FAT3: variants seen among roughly 807,000 people sequenced by gnomAD.
The protein encoded by FAT3 is protocadherin Fat 3.
FAT3 carries 95 observed loss-of-function variants against 310.2 expected under a neutral mutation model. That is an observed-to-expected ratio of 0.31 (90% CI 0.26 to 0.36). FAT3 has a LOEUF of 0.36. FAT3 is among the 10% of genes least tolerant of loss of function. The pLI, the probability that FAT3 is intolerant of heterozygous loss-of-function variation, is 1.00. For synonymous variants in FAT3, 2,314 were observed against 2,192.9 expected (o/e 1.06, Z -1.54); for missense variants, 5,408 against 5,715.6 (o/e 0.95, Z 1.74).
rs576878900 is a variant in FAT3 at position 92,384,347 on chromosome 11, C to A, written c.3292+28943C>A. Among the ~76,000 whole-genome samples the A allele has an allele frequency of 2.4e-3, 372 of 152,166 alleles. 3 individuals are homozygous for A. The highest frequency in any genetic ancestry group is 4.4e-3 in the Non-Finnish European group (302 of 68,014). ...AGAGGAAACAGGTAGAGAGTTGTTACCCTAAAGAGAAGGGAAAATTCTTTG... is the reference window on the plus strand; with the variant it reads ...AGAGGAAACAGGTAGAGAGTTGTTAACCTAAAGAGAAGGGAAAATTCTTTG... On this transcript the variant is annotated intron_variant, in intron 2 of 27. Transcript: ENST00000525166.
rs371346083 is a variant in FAT3, at chr11:92,353,024, G to A, written c.912G>A (p.Val304=). 31 of 1,613,612 alleles carry A rather than the reference G, an allele frequency of 1.9e-5. No homozygotes were observed. Among genetic ancestry groups the A allele is most frequent in the African/African-American group, 2.7e-5 (2 of 74,892 alleles). The change falls in exon 2 of 28, where the codon GTG becomes GTA. Residue 304 remains valine, a synonymous_variant. Coordinates refer to ENST00000525166, the MANE Select transcript of FAT3 (RefSeq NM_001367949.2). Reference sequence around the variant, plus strand: ...GAGAGATCGAATCTGTTTCCATTGTGGCTGGGGATCCTTTAGATCAGTTCT... The same window carrying A: ...GAGAGATCGAATCTGTTTCCATTGTAGCTGGGGATCCTTTAGATCAGTTCT... ...ANGEIESVSI[V]AGDPLDQFFL... is the part of the protein sequence containing the mutation.
chr11:92,792,812 A>G lies in FAT3; in HGVS notation c.4657A>G (p.Ile1553Val). ...TTATCGAAGAAACTTGGCCCGAGTC[A>G]TTGTGAATGTGGAGGATGCTAATGA... is the stretch of plus-strand genomic sequence containing the variant. ...FPYRRNLARVIVNVEDANDHS... is the reference protein window; with the variant it reads ...FPYRRNLARVVVNVEDANDHS... Residue 1553 changes from isoleucine to valine, a missense_variant, in exon 9 of 28, where the codon ATT (isoleucine) becomes GTT (valine). Ile to Val is a conservative substitution (Grantham distance 29). Around this residue, in one of 5 missense-constraint regions of FAT3, gnomAD observed 4,588 missense variants for 4,809.8 expected, o/e 0.95. Transcript: ENST00000525166. The G allele has an allele frequency of 6.2e-7, 1 of 1,613,832 alleles. No homozygotes were observed. The highest frequency in any genetic ancestry group is 8.5e-7 in the Non-Finnish European group (1 of 1,179,756).
At chr11:92,860,419 T>C (rs1949091541) in intron 21 of FAT3, among the ~76,000 whole-genome samples, 1 of 152,142 alleles carries the variant, frequency 6.6e-6, no homozygotes, top group Non-Finnish European at 1.5e-5. Flanking sequence ...TTATTAAAAA[T>C]CACATTCTGG....
At chr11:92,618,506 T>C (rs1940929891) in intron 3 of FAT3, among the ~76,000 whole-genome samples, 2 of 152,166 alleles carry the variant, frequency 1.3e-5, no homozygotes, top group South Asian at 4.1e-4. Flanking sequence ...CCCAGTGAGA[T>C]GAACCCAGTA....
chr11:92,527,837 A>G (rs559451182), intron 3 of FAT3, among the ~76,000 whole-genome samples: 1 of 152,150 alleles, frequency 6.6e-6, no homozygotes, highest in East Asian at 1.9e-4. Context: ...AGATAGATAC[A>G]TAGATAGATA....
intron 7 of FAT3, among the ~76,000 whole-genome samples, chr11:92,779,088 A>G (rs1402645562): frequency 6.6e-6 from 1 of 152,080 alleles, no homozygotes; most frequent in Admixed American, 6.6e-5. Flanking sequence ...TCGGTACTGT[A>G]TCTGCTTGGA....
chr11:92,528,413 A>G (rs958486400), intron 3 of FAT3, among the ~76,000 whole-genome samples: 15 of 152,102 alleles, frequency 9.9e-5, no homozygotes, highest in African/African-American at 3.4e-4. Context: ...GCTTCCTTCC[A>G]GTTCGCTCAG....
chr11:92,381,414 G>A (rs528016412), intron 2 of FAT3, among the ~76,000 whole-genome samples: 2 of 152,276 alleles, frequency 1.3e-5, no homozygotes, highest in Admixed American at 6.5e-5. Flanking sequence ...TTGGGAGGCT[G>A]AGGCATGAGA....
At chr11:92,653,951 A>G (rs1942480160) in intron 3 of FAT3, among the ~76,000 whole-genome samples, 1 of 152,186 alleles carries the variant, frequency 6.6e-6, no homozygotes, top group Admixed American at 6.5e-5. Context: ...ATACCAAAAT[A>G]TTTCTAAGCT....
intron 3 of FAT3, among the ~76,000 whole-genome samples, chr11:92,610,650 T>G (rs954042159): frequency 7.9e-5 from 12 of 152,224 alleles, no homozygotes; most frequent in African/African-American, 2.9e-4. Flanking sequence ...TCAGATCAGC[T>G]TGGGTTCCTT....
chr11:92,881,009 G>A (rs944288822), intron 23 of FAT3, 125 bp downstream of exon 23: 66 of 1,051,914 alleles, frequency 6.3e-5, no homozygotes, highest in Non-Finnish European at 8.1e-5. Flanking sequence ...ACATCTGCAC[G>A]ATACGTATAA....
At chr11:92,784,238 A>G (rs1946831110) in intron 7 of FAT3, among the ~76,000 whole-genome samples, 2 of 152,266 alleles carry the variant, frequency 1.3e-5, no homozygotes, top group Non-Finnish European at 2.9e-5. Flanking sequence ...TATAAACTGT[A>G]AAACAAGTAC....
chr11:92,483,095 G>A (rs1199534621), intron 2 of FAT3, among the ~76,000 whole-genome samples: 3 of 152,164 alleles, frequency 2.0e-5, no homozygotes, highest in Admixed American at 6.5e-5. Context: ...AGAGATGTTG[G>A]CATTGTCATT....
chr11:92,526,304 A>C (rs576859439), intron 3 of FAT3, among the ~76,000 whole-genome samples: 17 of 152,158 alleles, frequency 1.1e-4, no homozygotes, highest in Non-Finnish European at 2.2e-4. Flanking sequence ...TCACTTTGCA[A>C]ATTTAAGAGT....
In FAT3 at chr11:92,550,082, T is replaced by G. The variant is rs549778322; in HGVS notation, c.3607+25134T>G. On this transcript the variant is annotated intron_variant, in intron 3 of 27. Coordinates refer to ENST00000525166, the MANE Select transcript of FAT3 (RefSeq NM_001367949.2). ...GTAGAGTCTGCATTGTCTCTTGACC[T>G]GAAAAGGGAAAAACTTTCAAGAATT... Among the ~76,000 whole-genome samples the G allele has an allele frequency of 5.9e-5, 9 of 152,298 alleles. No individual in the cohort carries two copies. The South Asian group carries it at 1.7e-3, about 28-fold the overall frequency.
chr11:92,868,087 C>A lies in FAT3; in HGVS notation c.12127+878C>A, dbSNP rs142198411. ...TTGAAGGCTTGCCACCTCGCAACAG[C>A]CCAACCACTGATTCCACTTCAGTCC... On this transcript the variant is annotated intron_variant, in intron 22 of 27. Coordinates refer to ENST00000525166, the MANE Select transcript of FAT3 (RefSeq NM_001367949.2). Among the ~76,000 whole-genome samples, 4 of 152,298 alleles carry A rather than the reference C, an allele frequency of 2.6e-5. No individual in the cohort carries two copies. The East Asian group carries it at 7.7e-4, about 29-fold the overall frequency.
intron 19 of FAT3, among the ~76,000 whole-genome samples, chr11:92,850,067 G>A (rs570269043): frequency 2.0e-5 from 3 of 152,268 alleles, no homozygotes; most frequent in African/African-American, 7.2e-5. Flanking sequence ...AAACATGTTC[G>A]TGATGTGTTT....
intron 6 of FAT3, among the ~76,000 whole-genome samples, chr11:92,769,155 CT>C (rs1946397479): frequency 6.6e-6 from 1 of 152,194 alleles, no homozygotes; most frequent in Non-Finnish European, 1.5e-5. Flanking sequence ...CTGTCACACA[CT>C]TTCTTGTGCC....
intron 3 of FAT3, among the ~76,000 whole-genome samples, chr11:92,586,787 C>G (rs1281950540): frequency 6.6e-6 from 1 of 151,932 alleles, no homozygotes; most frequent in Non-Finnish European, 1.5e-5. Context: ...GGGGAACATA[C>G]TTTCATGCAT....
Sources: gnomAD v4.1 joint callset for allele counts (sites outside exome capture counted in the v4.1 genomes callset) on GRCh38, gnomAD v4.1.1 for gene constraint, gnomAD v4.1.1 regional missense constraint, MANE v1.5 for transcripts, NCBI Gene and HGNC (gene_info 2026-07-23, HGNC 2026-07-21) for gene names.